The following SLAMF1 variants were observed in gnomAD, a reference collection of about 807,000 sequenced individuals.
The protein encoded by SLAMF1 is signaling lymphocytic activation molecule.
In SLAMF1, 18 loss-of-function variants were observed where a neutral mutation model predicts 35.1. The observed-to-expected ratio is 0.51, with a 90% CI of 0.35 to 0.76. The LOEUF (loss-of-function observed/expected upper bound fraction) is 0.76. SLAMF1 is among the 30% of genes least tolerant of loss of function. The pLI is 0.01. For missense variants in SLAMF1, 392 were observed against 413.0 expected (o/e 0.95, Z 0.44); for synonymous variants, 168 against 157.2 (o/e 1.07, Z -0.51).
rs1242281212 is a variant in SLAMF1, at chr1:160,637,562, A to T, written c.77-33T>A. On this transcript the variant is annotated intron_variant, in intron 1 of 6. Coordinates refer to ENST00000302035, the MANE Select transcript of SLAMF1 (RefSeq NM_003037.5). Reference sequence around the variant, plus strand: ...AGGGAGGAGAAGAGAGTCCCTTATTATTAAGGCCTTTAGACAACATCGTGT... The same window carrying T: ...AGGGAGGAGAAGAGAGTCCCTTATTTTTAAGGCCTTTAGACAACATCGTGT... The T allele has an allele frequency of 2.7e-6, 4 of 1,477,842 alleles. No individual in the cohort carries two copies. In the East Asian group the frequency reaches 9.1e-5, roughly 34 times the overall value. 91.5% of individuals were successfully genotyped at this position (1,477,842 alleles called of 1,614,324 possible). A position where few individuals can be genotyped will look rare whatever the true frequency, so the allele number is the denominator to read the frequency against.
At chr1:160,636,108 A>G (rs1660443132) in intron 2 of SLAMF1, among the ~76,000 whole-genome samples, 2 of 152,208 alleles carry the variant, frequency 1.3e-5, no homozygotes, top group Non-Finnish European at 2.9e-5. Context: ...TTTGATCACA[A>G]GATGTGACAA....
At chr1:160,611,519 G>A (rs1658986337) in intron 6 of SLAMF1, among the ~76,000 whole-genome samples, 1 of 152,196 alleles carries the variant, frequency 6.6e-6, no homozygotes, top group Non-Finnish European at 1.5e-5. Context: ...TGTGCGGTAG[G>A]AGCTTTGAAA....
At chr1:160,640,290 T>A (rs1271346067) in intron 1 of SLAMF1, among the ~76,000 whole-genome samples, 9 of 138,376 alleles carry the variant, frequency 6.5e-5, no homozygotes, top group African/African-American at 2.1e-4. Context: ...CCATAATACC[T>A]GACCAAAGCC....
intron 3 of SLAMF1, chr1:160,634,361 G>T: frequency 2.0e-6 from 2 of 981,610 alleles, no homozygotes; most frequent in Non-Finnish European, 2.4e-6. Context: ...CTACGCCTTG[G>T]AGACTTAGGC....
chr1:160,631,668 AAGAG>A (rs763080531), intron 3 of SLAMF1, among the ~76,000 whole-genome samples: 14 of 151,300 alleles, frequency 9.3e-5, no homozygotes, highest in East Asian at 1.9e-4. Context: ...AGGAAAGAGA[AAGAG>A]AGAGAGAGAG....
intron 2 of SLAMF1, among the ~76,000 whole-genome samples, chr1:160,635,261 T>A (rs114432421): frequency 6.6e-6 from 1 of 152,222 alleles, no homozygotes; most frequent in African/African-American, 2.4e-5. Flanking sequence ...CGTTGTTACT[T>A]CCTAGACCTA....
chr1:160,646,505 C>G (rs1661046390), intron 1 of SLAMF1, among the ~76,000 whole-genome samples: 1 of 152,210 alleles, frequency 6.6e-6, no homozygotes, highest in African/African-American at 2.4e-5. Context: ...TCAGTCCATC[C>G]AGCTCAGTCT....
chr1:160,627,571 C>T (rs1045093195), intron 3 of SLAMF1, among the ~76,000 whole-genome samples: 1 of 152,184 alleles, frequency 6.6e-6, no homozygotes, highest in African/African-American at 2.4e-5. Context: ...ACTTGGTGCT[C>T]ATCCATTTGT....
chr1:160,609,854 CAG>C lies in SLAMF1; in HGVS notation c.*892_*893del, dbSNP rs1476455367. On this transcript the variant is annotated 3_prime_UTR_variant, in exon 7 of 7. Coordinates refer to ENST00000302035, the MANE Select transcript of SLAMF1 (RefSeq NM_003037.5). ...ATATAAGAGGTTCAGAATCTGGTCA[CAG>C]AGAGTCTTAGCTGAGGTTCCAGGTT... 1 of 159,800 alleles carries C rather than the reference CAG, an allele frequency of 6.3e-6. No individual in the cohort carries two copies. The highest frequency in any genetic ancestry group is 2.4e-5 in the African/African-American group (1 of 41,466). 9.9% of individuals were successfully genotyped at this position (159,800 alleles called of 1,614,324 possible).
chr1:160,634,635 G>T lies in SLAMF1; in HGVS notation c.678C>A (p.Pro226=), dbSNP rs200678007. ...SNNSQTFSPW[P]GCRTDPSETK... ...CACCTGAGGGGTCTGTCCTGCATCC[G>T]GGCCACGGGCTGAAGGTCTGGGAAT... is the stretch of plus-strand genomic sequence containing the variant. The change falls in exon 3 of 7, where the codon CCC becomes CCA. Residue 226 remains proline, a synonymous_variant. Transcript: ENST00000302035. 1 of 1,611,330 alleles carries T rather than the reference G, an allele frequency of 6.2e-7. No individual in the cohort carries two copies. Among genetic ancestry groups the T allele is most frequent in the South Asian group, 1.1e-5 (1 of 90,638 alleles).
intron 4 of SLAMF1, among the ~76,000 whole-genome samples, chr1:160,622,000 G>A (rs867468565): frequency 2.6e-5 from 4 of 152,092 alleles, no homozygotes; most frequent in Non-Finnish European, 5.9e-5. Context: ...CCTAGGTGCT[G>A]TAGTGGCTAC....
At position 160,620,682 on chromosome 1, in the gene SLAMF1, A is replaced by G. The variant is rs1057250419; in HGVS notation, c.791-833T>C. On this transcript the variant is annotated intron_variant, in intron 4 of 6. Transcript: ENST00000302035. ...GAAACCGTATTTTTCAATACCTGTG[A>G]AAAGAAGTGGGAAAAAAAAGAAGAA... is the stretch of plus-strand genomic sequence containing the variant. 3.1e-4 allele frequency among the ~76,000 whole-genome samples: 47 copies of G among 152,184 alleles called. 1 individual carries two copies. Among genetic ancestry groups the G allele is most frequent in the Non-Finnish European group, 8.8e-5 (6 of 68,038 alleles).
chr1:160,619,737 A>G, intron 5 of SLAMF1, 39 bp downstream of exon 5: 2 of 1,291,934 alleles, frequency 1.5e-6, no homozygotes, highest in Non-Finnish European at 1.1e-6. Context: ...TACTCTAGGA[A>G]ACATGACAGG....
In SLAMF1 at chr1:160,608,514, A is replaced by T. The variant is rs1178277511; in HGVS notation, c.*2234T>A. 6.6e-6 allele frequency: 1 copy of T among 152,256 alleles called. No individual in the cohort carries two copies. The highest frequency in any genetic ancestry group is 2.4e-5 in the African/African-American group (1 of 41,458). The allele number at this position is 152,256 out of a possible 1,614,324, so 9.4% of individuals were successfully genotyped here. On this transcript the variant is annotated 3_prime_UTR_variant, in exon 7 of 7. Transcript: ENST00000302035. ...AGGGGTTGTTTTACCACGTGTAACCATGGTCTAGGGTGAGAGGCATAATGC... is the reference window on the plus strand; with the variant it reads ...AGGGGTTGTTTTACCACGTGTAACCTTGGTCTAGGGTGAGAGGCATAATGC...
At chr1:160,638,354 C>G (rs911859961) in intron 1 of SLAMF1, among the ~76,000 whole-genome samples, 1 of 152,180 alleles carries the variant, frequency 6.6e-6, no homozygotes, top group Admixed American at 6.5e-5. Context: ...ACTAAATCAA[C>G]CTACCTACCT....
rs1172638992 is a variant in SLAMF1, at chr1:160,642,103, G to T, written c.77-4574C>A. ...GCATCTTGCTACAGTATTCTTTCAGGTACAGAAGGAACAGAACTTACAGAC... is the reference window on the plus strand; with the variant it reads ...GCATCTTGCTACAGTATTCTTTCAGTTACAGAAGGAACAGAACTTACAGAC... On this transcript the variant is annotated intron_variant, in intron 1 of 6. Transcript: ENST00000302035. The surrounding 1 kb of genome is among the most constrained non-coding windows in gnomAD (Gnocchi z 4.2). Among the ~76,000 whole-genome samples, 1 of 152,082 alleles carries T rather than the reference G, an allele frequency of 6.6e-6. No homozygotes were observed. Among genetic ancestry groups the T allele is most frequent in the African/African-American group, 2.4e-5 (1 of 41,402 alleles).
At chr1:160,619,647 C>A in intron 5 of SLAMF1, 129 bp downstream of exon 5, 1 of 711,274 alleles carries the variant, frequency 1.4e-6, no homozygotes, top group Non-Finnish European at 2.5e-6. Flanking sequence ...AACTCTTGTT[C>A]TTGACTCCTG....
intron 1 of SLAMF1, 91 bp from the exon 2 acceptor site, chr1:160,637,620 C>G (rs1430400186): frequency 1.1e-6 from 1 of 908,918 alleles, no homozygotes; most frequent in Admixed American, 2.6e-5. Context: ...TGGAGGCTCT[C>G]CCTCTTCCTC....
chr1:160,634,090 C>T (rs887552649), intron 3 of SLAMF1, among the ~76,000 whole-genome samples: 3 of 152,214 alleles, frequency 2.0e-5, no homozygotes, highest in Non-Finnish European at 2.9e-5. Flanking sequence ...TTCCATAAAA[C>T]GAGGACCTTC....
Sources: gnomAD v4.1 joint callset for allele counts (sites outside exome capture counted in the v4.1 genomes callset) on GRCh38, gnomAD v4.1.1 for gene constraint, Gnocchi (gnomAD v3.1) non-coding constraint, MANE v1.5 for transcripts, NCBI Gene and HGNC (gene_info 2026-07-23, HGNC 2026-07-21) for gene names.